The following FOXJ3 variants were observed in gnomAD, a reference collection of about 807,000 sequenced individuals.
FOXJ3 encodes forkhead box J3.
Under a neutral mutation model 76.1 loss-of-function variants are expected in FOXJ3, and 22 were observed. The ratio of observed to expected loss-of-function variants is 0.29; its 90% CI spans 0.21 to 0.41. FOXJ3 has a LOEUF of 0.41. Ranked by LOEUF, FOXJ3 falls within the 10% of genes least tolerant of loss-of-function variation. The pLI, the probability that FOXJ3 is intolerant of heterozygous loss-of-function variation, is 1.00. For synonymous variants in FOXJ3, 269 were observed against 261.2 expected (o/e 1.03, Z -0.29); for missense variants, 613 against 762.1 (o/e 0.80, Z 2.30).
intron 12 of FOXJ3, 86 bp downstream of exon 12, chr1:42,181,831 T>A (rs895754508): frequency 4.6e-4 from 369 of 798,868 alleles, no homozygotes; most frequent in South Asian, 1.4e-3. Flanking sequence ...ACACACACTC[T>A]CTCTCTCACC....
chr1:42,221,065 T>A (rs886456814), intron 5 of FOXJ3, among the ~76,000 whole-genome samples: 15 of 152,230 alleles, frequency 9.9e-5, no homozygotes, highest in Admixed American at 9.8e-4. Context: ...TTTAGAAGAA[T>A]GGCATTAATT....
At position 42,198,917 on chromosome 1, in the gene FOXJ3, T is replaced by TATGGTACC. The variant is rs562991191; in HGVS notation, c.759+177_759+184dup. Among the ~76,000 whole-genome samples, 780 of 152,326 alleles carry TATGGTACC rather than the reference T, an allele frequency of 5.1e-3. 7 individuals carry two copies. The highest frequency in any genetic ancestry group is 0.018 in the African/African-American group (739 of 41,566). On this transcript the variant is annotated intron_variant, in intron 7 of 12. Coordinates refer to ENST00000361346, the MANE Select transcript of FOXJ3 (RefSeq NM_014947.5). ...GCACAACCATTTTTTAAAAATCTAA[T>TATGGTACC]ATGGTACCAAATTAAAACACTAACA...
At position 42,213,512 on chromosome 1, in the gene FOXJ3, C is replaced by A. The variant is rs910783256; in HGVS notation, c.529-7649G>T. ...ACACGATTATATAATGATAAAAGGA[C>A]CAATTCAACAAGAAGATATAACAAA... On this transcript the variant is annotated intron_variant, in intron 5 of 12. Transcript: ENST00000361346. 2.7e-5 allele frequency among the ~76,000 whole-genome samples: 4 copies of A among 149,742 alleles called. No individual in the cohort carries two copies. The South Asian group carries it at 6.3e-4, about 24-fold the overall frequency.
intron 1 of FOXJ3, among the ~76,000 whole-genome samples, chr1:42,318,633 C>G (rs1164287079): frequency 6.6e-6 from 1 of 152,214 alleles, no homozygotes; most frequent in Non-Finnish European, 1.5e-5. Flanking sequence ...GCGTGAGCCA[C>G]TGCACTCAGC....
At chr1:42,331,572 T>A (rs1226591018) in intron 1 of FOXJ3, among the ~76,000 whole-genome samples, 1 of 152,166 alleles carries the variant, frequency 6.6e-6, no homozygotes, top group African/African-American at 2.4e-5. Context: ...AAAGACCGTA[T>A]GTTGTATGAA....
At chr1:42,289,484 AAC>A (rs1435640572) in intron 2 of FOXJ3, among the ~76,000 whole-genome samples, 1 of 152,188 alleles carries the variant, frequency 6.6e-6, no homozygotes, top group African/African-American at 2.4e-5. Flanking sequence ...TTTTGTTAGA[AAC>A]ACTTTTAAAA....
chr1:42,316,014 T>C (rs1655083480), intron 1 of FOXJ3, among the ~76,000 whole-genome samples: 1 of 152,198 alleles, frequency 6.6e-6, no homozygotes, highest in South Asian at 2.1e-4. Context: ...GGAATTTCTT[T>C]TAACATAAGC....
chr1:42,215,171 G>C (rs1647040996), intron 5 of FOXJ3, among the ~76,000 whole-genome samples: 2 of 152,030 alleles, frequency 1.3e-5, no homozygotes, highest in South Asian at 4.1e-4. Context: ...CTCCAAAAAA[G>C]ACTGAGTTGC....
At chr1:42,289,133 CT>C (rs1487285593) in intron 2 of FOXJ3, among the ~76,000 whole-genome samples, 1 of 151,846 alleles carries the variant, frequency 6.6e-6, no homozygotes, top group Non-Finnish European at 1.5e-5. Flanking sequence ...ATAAGCAACA[CT>C]GATCTTCAGT....
At chr1:42,309,001 C>CCAAAAAAA (rs1016055460) in intron 2 of FOXJ3, among the ~76,000 whole-genome samples, 1 of 103,850 alleles carries the variant, frequency 9.6e-6, no homozygotes, top group Non-Finnish European at 1.8e-5. Flanking sequence ...AGTCGTTTTA[C>CCAAAAAAA]AAAAAAAAAA....
At chr1:42,333,754 G>A (rs956950700) in intron 1 of FOXJ3, among the ~76,000 whole-genome samples, 6 of 152,054 alleles carry the variant, frequency 3.9e-5, no homozygotes, top group Admixed American at 2.0e-4. Flanking sequence ...TTTCAAACCA[G>A]TTTCAAAAAA....
chr1:42,230,682 A>AT (rs2124470777), intron 4 of FOXJ3, among the ~76,000 whole-genome samples: 1 of 152,294 alleles, frequency 6.6e-6, no homozygotes, highest in South Asian at 2.1e-4. Context: ...TGTATTTCAA[A>AT]TTTTCAGATT....
chr1:42,315,551 A>G (rs1441301818), intron 1 of FOXJ3: 2 of 221,168 alleles, frequency 9.0e-6, no homozygotes, highest in African/African-American at 4.7e-5. Flanking sequence ...TCTAGCTTCA[A>G]TGCTTTAGTT....
chr1:42,197,737 G>A (rs1193136065), intron 7 of FOXJ3, among the ~76,000 whole-genome samples: 2 of 151,478 alleles, frequency 1.3e-5, no homozygotes, highest in Non-Finnish European at 2.9e-5. Context: ...GGAGTGGAGT[G>A]ACGTGATTAC....
At position 42,290,425 on chromosome 1, in the gene FOXJ3, C is replaced by T. The variant is rs143224811; in HGVS notation, c.45-11753G>A. Among the ~76,000 whole-genome samples, 653 of 152,160 alleles carry T rather than the reference C, an allele frequency of 4.3e-3. 1 individual carries two copies. Among genetic ancestry groups the T allele is most frequent in the Non-Finnish European group, 8.0e-3 (542 of 67,970 alleles). ...CACTGATTATCATTAAAATTCCATG[C>T]ATGGTATGAAAAGGAGTGAAAAAAT... On this transcript the variant is annotated intron_variant, in intron 2 of 12. Transcript: ENST00000361346.
intron 12 of FOXJ3, among the ~76,000 whole-genome samples, chr1:42,181,310 C>A (rs1646313046): frequency 6.6e-6 from 1 of 152,196 alleles, no homozygotes; most frequent in African/African-American, 2.4e-5. Flanking sequence ...ATTCCGCTGG[C>A]TAAATGAATC....
In FOXJ3 at chr1:42,278,464, T is replaced by C; in HGVS notation, c.253A>G (p.Ser85Gly). The change falls in exon 3 of 13, where the codon AGC becomes GGC. Residue 85 changes from serine (S) to glycine (G), a missense_variant. Transcript: ENST00000361346. ...CTATTAATTGCAAATGTAATGAGGCTGGCATAACTGTATGGAGGTTTCCCA... is the reference window on the plus strand; with the variant it reads ...CTATTAATTGCAAATGTAATGAGGCCGGCATAACTGTATGGAGGTTTCCCA... ...KDGKPPYSYA[S>G]LITFAINSSP... 5 of 1,614,148 alleles carry C rather than the reference T, an allele frequency of 3.1e-6. No individual in the cohort carries two copies. Among genetic ancestry groups the C allele is most frequent in the Non-Finnish European group, 4.2e-6 (5 of 1,179,958 alleles).
chr1:42,222,322 T>C (rs1647245145), intron 5 of FOXJ3, among the ~76,000 whole-genome samples: 2 of 152,054 alleles, frequency 1.3e-5, no homozygotes, highest in Admixed American at 1.3e-4. Flanking sequence ...TAGATTGTTA[T>C]GCCTCTCTGC....
Position 42,179,800 on chromosome 1 carries a change from C to G in FOXJ3, c.1779G>C (p.Gln593His). Residue 593 changes from glutamine to histidine, a missense_variant, in exon 13 of 13, where the codon CAG becomes CAC. This residue lies in a region of FOXJ3 where 526 missense variants were observed against 601.4 expected (regional missense o/e 0.87). Coordinates refer to ENST00000361346, the MANE Select transcript of FOXJ3 (RefSeq NM_014947.5). Reference protein sequence around the residue: ...MAGHHRAMNQQHMMPSQAFQM... With the variant: ...MAGHHRAMNQHHMMPSQAFQM... ...GGAAGGCTTGGGAAGGCATCATGTG[C>G]TGCTGGTTCATGGCTCTGTGATGGC... The G allele has an allele frequency of 6.2e-7, 1 of 1,613,732 alleles. No homozygotes were observed. The highest frequency in any genetic ancestry group is 8.5e-7 in the Non-Finnish European group (1 of 1,179,692).
Sources: gnomAD v4.1 joint callset for allele counts (sites outside exome capture counted in the v4.1 genomes callset) on GRCh38, gnomAD v4.1.1 for gene constraint, gnomAD v4.1.1 regional missense constraint, MANE v1.5 for transcripts, NCBI Gene and HGNC (gene_info 2026-07-23, HGNC 2026-07-21) for gene names.